The following HDAC7 variants were observed in gnomAD, a reference collection of about 807,000 sequenced individuals.
The protein encoded by HDAC7 is histone deacetylase 7A.
Under a neutral mutation model 115.5 loss-of-function variants are expected in HDAC7, and 26 were observed. That is an observed-to-expected ratio of 0.23 (90% CI 0.16 to 0.31). HDAC7 has a LOEUF of 0.31. Ranked by LOEUF, HDAC7 falls within the 10% of genes least tolerant of loss-of-function variation. The pLI, the probability that HDAC7 is intolerant of heterozygous loss-of-function variation, is 1.00. For synonymous variants in HDAC7, 564 were observed against 550.9 expected (o/e 1.02, Z -0.33); for missense variants, 1,068 against 1,329.0 (o/e 0.80, Z 3.05).
chr12:47,791,965 G>A lies in HDAC7; in HGVS notation c.1718C>T (p.Ser573Phe). Residue 573 changes from serine to phenylalanine, a missense_variant, in exon 14 of 26, where the codon TCC becomes TTC. Physicochemically the swap from Ser to Phe is radical, Grantham distance 155. Transcript: ENST00000080059. ...CGGGTGCCTGCTGTTGTCACCGCAGGAGCACTGGTGCTTCAGCATGACCGA... is the reference window on the plus strand; with the variant it reads ...CGGGTGCCTGCTGTTGTCACCGCAGAAGCACTGGTGCTTCAGCATGACCGA... Reference protein sequence around the residue: ...YDSVMLKHQCSCGDNSRHPEH... With the variant: ...YDSVMLKHQCFCGDNSRHPEH... 1 of 1,611,298 alleles carries A rather than the reference G, an allele frequency of 6.2e-7. No individual in the cohort carries two copies. The highest frequency in any genetic ancestry group is 8.5e-7 in the Non-Finnish European group (1 of 1,178,990).
At position 47,786,720 on chromosome 12, in the gene HDAC7, A is replaced by T; in HGVS notation, c.2454-17T>A. ...ACGACTATCCTGTGAGGTCACAAGA[A>T]GTGGCGATCATCGTACTGTGCAGGG... On this transcript the variant is annotated splice_polypyrimidine_tract_variant and intron_variant, in intron 21 of 25. Transcript: ENST00000080059. 2 of 1,599,966 alleles carry T rather than the reference A, an allele frequency of 1.3e-6. No homozygotes were observed. Among genetic ancestry groups the T allele is most frequent in the African/African-American group, 1.3e-5 (1 of 74,748 alleles).
At chr12:47,787,996 CAGG>C in intron 20 of HDAC7, 46 bp downstream of exon 20, 2 of 1,594,252 alleles carry the variant, frequency 1.3e-6, no homozygotes, top group Non-Finnish European at 1.7e-6. Context: ...GAGTAAGTGT[CAGG>C]AGGAGGTCAA....
In HDAC7 at chr12:47,795,824, G is replaced by A. The variant is rs1943795652; in HGVS notation, c.907-57C>T. 6.6e-7 allele frequency: 1 copy of A among 1,507,734 alleles called. No homozygotes were observed. Among genetic ancestry groups the A allele is most frequent in the East Asian group, 2.6e-5 (1 of 38,604 alleles). 93.4% of individuals were successfully genotyped at this position (1,507,734 alleles called of 1,614,324 possible). On this transcript the variant is annotated intron_variant, in intron 9 of 25. Transcript: ENST00000080059. The surrounding 1 kb of genome is among the most constrained non-coding windows in gnomAD (Gnocchi z 4.3). The stretch of plus-strand genomic sequence containing the variant: ...GAAGATTCCAGCAGAGAACAATGAA[G>A]ATGATGGGGTGAGGCAGCAAGAAAA...
Position 47,796,249 on chromosome 12 carries a change from G to A in HDAC7, c.753C>T (p.Pro251=). 3 of 1,602,798 alleles carry A rather than the reference G, an allele frequency of 1.9e-6. No individual in the cohort carries two copies. Among genetic ancestry groups the A allele is most frequent in the South Asian group, 2.3e-5 (2 of 88,444 alleles). ...SSTPASGCSS[P]NDSEHGPNPI... is the part of the protein sequence containing the mutation. ...GATTGGGGCCGTGCTCGCTGTCATT[G>A]GGGGAGCTGCACCCTGATGCGGGCG... The change falls in exon 8 of 26, where the codon CCC becomes CCT. Residue 251 remains proline (P), a synonymous_variant. Coordinates refer to ENST00000080059, the MANE Select transcript of HDAC7 (RefSeq NM_015401.5).
At position 47,791,415 on chromosome 12, in the gene HDAC7, A is replaced by G. The variant is rs576548639; in HGVS notation, c.1934-107T>C. 3.6e-6 allele frequency: 5 copies of G among 1,381,914 alleles called. No homozygotes were observed. The African/African-American group carries it at 5.8e-5, about 16-fold the overall frequency. The allele number at this position is 1,381,914 out of a possible 1,614,324, so 85.6% of individuals were successfully genotyped here. On this transcript the variant is annotated intron_variant, in intron 15 of 25. Coordinates refer to ENST00000080059, the MANE Select transcript of HDAC7 (RefSeq NM_015401.5). ...GGCCGGGTGAGTATTGGGGGAGAGA[A>G]ATATGGAAGGGAGAGGTGGAGGTGG...
In HDAC7 at chr12:47,791,252, C is replaced by A; in HGVS notation, c.1983+7G>T. ...AACGCCCCCCTGAGACCCCTGGGCA[C>A]ACTTACCCCAACCCCACCACAGGGC... On this transcript the variant is annotated splice_region_variant and intron_variant, in intron 16 of 25. Transcript: ENST00000080059. The A allele has an allele frequency of 6.3e-7, 1 of 1,597,794 alleles. No individual in the cohort carries two copies. Among genetic ancestry groups the A allele is most frequent in the African/African-American group, 1.3e-5 (1 of 74,440 alleles).
intron 1 of HDAC7, among the ~76,000 whole-genome samples, chr12:47,805,153 G>A (rs901680117): frequency 6.6e-6 from 1 of 151,376 alleles, no homozygotes; most frequent in Non-Finnish European, 1.5e-5. Context: ...TCACTGCAGC[G>A]TTGACCTCCT....
At position 47,791,579 on chromosome 12, in the gene HDAC7, C is replaced by CCATT. The variant is rs1187337171; in HGVS notation, c.1933+3_1933+6dup. On this transcript the variant is annotated splice_region_variant and intron_variant, in intron 15 of 25. Coordinates refer to ENST00000080059, the MANE Select transcript of HDAC7 (RefSeq NM_015401.5). ...GGCATGGGGAGACAGGGCCACTAGG[C>CCATT]CATTACCTGCCAGCTTCCCGTTGTC... is the stretch of plus-strand genomic sequence containing the variant. 1.7e-5 allele frequency: 27 copies of CCATT among 1,603,060 alleles called. No homozygotes were observed. Among genetic ancestry groups the CCATT allele is most frequent in the Non-Finnish European group, 2.3e-5 (27 of 1,174,904 alleles).
Position 47,795,091 on chromosome 12 carries a change from G to A in HDAC7, c.1284+93C>T. The A allele has an allele frequency of 7.4e-7, 1 of 1,343,310 alleles. No homozygotes were observed. Among genetic ancestry groups the A allele is most frequent in the Non-Finnish European group, 1.0e-6 (1 of 961,172 alleles). 83.2% of individuals were successfully genotyped at this position (1,343,310 alleles called of 1,614,324 possible). A position where few individuals can be genotyped will look rare whatever the true frequency, so the allele number is the denominator to read the frequency against. ...CCACATCCCCCTCTTTTGCCCTCCAGTTCCCTGCCCTTTCTAAGTACCCCT... is the reference window on the plus strand; with the variant it reads ...CCACATCCCCCTCTTTTGCCCTCCAATTCCCTGCCCTTTCTAAGTACCCCT... On this transcript the variant is annotated intron_variant, in intron 11 of 25. Transcript: ENST00000080059. The surrounding 1 kb of genome is among the most constrained non-coding windows in gnomAD (Gnocchi z 4.3).
At chr12:47,817,278 GCAGAAACT>G (rs1944877273) in intron 1 of HDAC7, among the ~76,000 whole-genome samples, 1 of 152,196 alleles carries the variant, frequency 6.6e-6, no homozygotes, top group Non-Finnish European at 1.5e-5. Flanking sequence ...GCAGTCTTAA[GCAGAAACT>G]CTGCCCCTCC....
intron 24 of HDAC7, 32 bp from the exon 25 acceptor site, chr12:47,784,249 G>C: frequency 6.3e-7 from 1 of 1,593,456 alleles, no homozygotes; most frequent in Non-Finnish European, 8.5e-7. Context: ...GAAAGGGTTG[G>C]AGAAAGCAAG....
intron 8 of HDAC7, 78 bp from the exon 9 acceptor site, chr12:47,796,094 C>T: frequency 6.6e-7 from 1 of 1,514,736 alleles, no homozygotes; most frequent in Non-Finnish European, 9.0e-7. Flanking sequence ...ACCCAGGAGG[C>T]TCTGGCAGGG....
chr12:47,786,632 G>A lies in HDAC7; in HGVS notation c.2525C>T (p.Ala842Val). Residue 842 changes from alanine to valine, a missense_variant, in exon 22 of 26, where the codon GCT (alanine) becomes GTT (valine). Physicochemically the swap from Ala to Val is moderately conservative, Grantham distance 64. This residue lies in a region of HDAC7 where 182 missense variants were observed against 301.1 expected (regional missense o/e 0.60). Coordinates refer to ENST00000080059, the MANE Select transcript of HDAC7 (RefSeq NM_015401.5). ...ACCCAGTGGGGCCGGGTGACCCTCAGCAGCATCAAATCCAGCAGACACCAG... is the reference window on the plus strand; with the variant it reads ...ACCCAGTGGGGCCGGGTGACCCTCAACAGCATCAAATCCAGCAGACACCAG... ...LVLVSAGFDA[A>V]EGHPAPLGGY... 2 of 1,614,094 alleles carry A rather than the reference G, an allele frequency of 1.2e-6. No individual in the cohort carries two copies. The highest frequency in any genetic ancestry group is 1.7e-6 in the Non-Finnish European group (2 of 1,180,008).
Position 47,798,835 on chromosome 12 carries a change from G to A in HDAC7, c.208C>T (p.His70Tyr). The A allele has an allele frequency of 6.4e-7, 1 of 1,560,152 alleles. No individual in the cohort carries two copies. Among genetic ancestry groups the A allele is most frequent in the African/African-American group, 1.4e-5 (1 of 73,810 alleles). The change falls in exon 3 of 26, where the codon CAC becomes TAC. Residue 70 changes from histidine (H) to tyrosine (Y), a missense_variant. Transcript: ENST00000080059. The surrounding 1 kb of genome is among the most constrained non-coding windows in gnomAD (Gnocchi z 4.3). ...ALQRPQRLHH[H>Y]LFLAGLQQQR... The stretch of plus-strand genomic sequence containing the variant: ...TGCTGCAGGCCTGCTAGGAAGAGGT[G>A]GTGGTGCAGGCGCTGGGGACGCTGC...
At chr12:47,794,973 C>A (rs377441328) in intron 11 of HDAC7, 40 bp from the exon 12 acceptor site, 5 of 1,571,604 alleles carry the variant, frequency 3.2e-6, no homozygotes, top group South Asian at 1.2e-5. Flanking sequence ...CATGGTGGAG[C>A]GAGGGGCATG....
rs777259632 is a variant in HDAC7 at position 47,784,140 on chromosome 12, CTTT to C, written c.2866_2868del (p.Lys956del). On this transcript the variant is annotated inframe_deletion, in exon 25 of 26. Coordinates refer to ENST00000080059, the MANE Select transcript of HDAC7 (RefSeq NM_015401.5). ...AGTGCGGTCACTGCCTCCACTTCTT[CTTT>C]GTCAGCCCCTGGCACTCTAGGCACC... 595 of 1,613,672 alleles carry C rather than the reference CTTT, an allele frequency of 3.7e-4. 1 individual carries two copies. The highest frequency in any genetic ancestry group is 2.5e-3 in the Middle Eastern group (15 of 6,084).
At position 47,798,976 on chromosome 12, in the gene HDAC7, G is replaced by T. The variant is rs1298817386; in HGVS notation, c.71-4C>A. The T allele has an allele frequency of 9.4e-6, 14 of 1,488,866 alleles. No homozygotes were observed. Among genetic ancestry groups the T allele is most frequent in the Non-Finnish European group, 1.1e-5 (12 of 1,119,718 alleles). 92.2% of individuals were successfully genotyped at this position (1,488,866 alleles called of 1,614,324 possible). On this transcript the variant is annotated splice_region_variant and splice_polypyrimidine_tract_variant and intron_variant, in intron 2 of 25. Coordinates refer to ENST00000080059, the MANE Select transcript of HDAC7 (RefSeq NM_015401.5). The surrounding 1 kb of genome is among the most constrained non-coding windows in gnomAD (Gnocchi z 4.3). ...TCTGCACAGGGCCTGGGGCAGCCTA[G>T]GGACAGAGAGAGGGAGCAGGGTAAA...
intron 24 of HDAC7, 99 bp from the exon 25 acceptor site, chr12:47,784,316 C>T: frequency 7.5e-7 from 1 of 1,340,888 alleles, no homozygotes; most frequent in Non-Finnish European, 1.0e-6. Flanking sequence ...GGCCCAGGGC[C>T]CCGGAGGAGC....
intron 23 of HDAC7, 79 bp from the exon 24 acceptor site, chr12:47,785,550 C>T (rs750485557): frequency 2.1e-6 from 3 of 1,448,786 alleles, no homozygotes; most frequent in Admixed American, 2.0e-5. Context: ...GGGCCCCAGC[C>T]TTCTAGCCAC....
Sources: gnomAD v4.1 joint callset for allele counts (sites outside exome capture counted in the v4.1 genomes callset) on GRCh38, gnomAD v4.1.1 for gene constraint, gnomAD v4.1.1 regional missense constraint, Gnocchi (gnomAD v3.1) non-coding constraint, MANE v1.5 for transcripts, NCBI Gene and HGNC (gene_info 2026-07-23, HGNC 2026-07-21) for gene names.